FOXP1: variants seen among roughly 807,000 people sequenced by gnomAD.
The protein encoded by FOXP1 is forkhead box protein P1.
FOXP1 carries 15 observed loss-of-function variants against 98.2 expected under a neutral mutation model. That is an observed-to-expected ratio of 0.15 (90% CI 0.10 to 0.24). The LOEUF is 0.24. Among genes scored for constraint, FOXP1 ranks in the 10% least tolerant of loss-of-function variants. The pLI is 1.00. For missense variants in FOXP1, 633 were observed against 848.5 expected, an observed-to-expected ratio of 0.75 and a Z score of 3.15; for synonymous variants, 371 against 314.5, an observed-to-expected ratio of 1.18 and a Z score of -1.90.
At chr3:71,523,619 A>G (rs1317472409) in intron 2 of FOXP1, among the ~76,000 whole-genome samples, 1 of 152,182 alleles carries the variant, frequency 6.6e-6, no homozygotes, top group Non-Finnish European at 1.5e-5. Context: ...GGGGCATTCT[A>G]AATTCACTGT....
chr3:71,176,743 C>CAAAAAAAAAAAAAAA (rs573639526), intron 6 of FOXP1, among the ~76,000 whole-genome samples: 1 of 75,548 alleles, frequency 1.3e-5, no homozygotes, highest in African/African-American at 6.2e-5. Context: ...GAGGCTATCT[C>CAAAAAAAAAAAAAAA]AAAAAAAAAA....
chr3:71,020,683 T>A (rs1016608510), intron 11 of FOXP1, among the ~76,000 whole-genome samples: 2 of 152,224 alleles, frequency 1.3e-5, no homozygotes, highest in Non-Finnish European at 2.9e-5. Context: ...TCCTGCCAAC[T>A]GAAATGCCAG....
intron 6 of FOXP1, among the ~76,000 whole-genome samples, chr3:71,169,307 C>T (rs141305884): frequency 3.4e-4 from 52 of 152,248 alleles, no homozygotes; most frequent in African/African-American, 7.7e-4. Flanking sequence ...CATTTGCCCC[C>T]GAGCGTCTCT....
chr3:71,484,460 C>G (rs1207911368), intron 3 of FOXP1, among the ~76,000 whole-genome samples: 1 of 152,172 alleles, frequency 6.6e-6, no homozygotes, highest in Non-Finnish European at 1.5e-5. Context: ...GCTACATCCT[C>G]AATATTCTTG....
At chr3:71,053,611 C>T (rs1012302237) in intron 8 of FOXP1, 25 bp downstream of exon 8, 5 of 1,613,620 alleles carry the variant, frequency 3.1e-6, no homozygotes, top group Admixed American at 1.7e-5. Context: ...GGGAGACAGG[C>T]TGGAGGTGGA....
intron 2 of FOXP1, among the ~76,000 whole-genome samples, chr3:71,505,140 G>A (rs892088785): frequency 1.3e-5 from 2 of 152,264 alleles, no homozygotes; most frequent in East Asian, 1.9e-4. Context: ...AAGTAGGAAC[G>A]TTTGGAATGG....
chr3:71,050,351 A>G (rs1341895123), intron 9 of FOXP1, among the ~76,000 whole-genome samples: 1 of 152,210 alleles, frequency 6.6e-6, no homozygotes, highest in South Asian at 2.1e-4. Context: ...CACAGACCAA[A>G]TAAGAGGTTA....
chr3:70,961,212 T>C (rs530996413), intron 20 of FOXP1, among the ~76,000 whole-genome samples: 1 of 151,960 alleles, frequency 6.6e-6, no homozygotes, highest in Non-Finnish European at 1.5e-5. Context: ...ATTTTATGTA[T>C]GGCTCTCCAG....
At chr3:70,981,551 C>G (rs1239385642) in intron 14 of FOXP1, among the ~76,000 whole-genome samples, 1 of 152,160 alleles carries the variant, frequency 6.6e-6, no homozygotes, top group African/African-American at 2.4e-5. Flanking sequence ...TGCAGTGGTG[C>G]AAGATGTCAC....
At position 71,313,979 on chromosome 3, in the gene FOXP1, T is replaced by C. The variant is rs567362467; in HGVS notation, c.-72-14099A>G. 2.0e-5 allele frequency among the ~76,000 whole-genome samples: 3 copies of C among 152,340 alleles called. No homozygotes were observed. In the East Asian group the frequency reaches 5.8e-4, roughly 29 times the overall value. The stretch of plus-strand genomic sequence containing the variant: ...AGTTCTTATTAGCTCTGGTGCTGAC[T>C]GACCTTGTGAGCTTAGGCAAATTGC... On this transcript the variant is annotated intron_variant, in intron 4 of 20. Coordinates refer to ENST00000649528, the MANE Select transcript of FOXP1 (RefSeq NM_001349338.3).
intron 5 of FOXP1, among the ~76,000 whole-genome samples, chr3:71,255,508 C>G (rs1272722759): frequency 6.6e-6 from 1 of 152,140 alleles, no homozygotes; most frequent in Non-Finnish European, 1.5e-5. Flanking sequence ...TAACAATCTT[C>G]TTTTAGGCTA....
chr3:71,464,841 A>G (rs1309467777), intron 3 of FOXP1, among the ~76,000 whole-genome samples: 1 of 152,182 alleles, frequency 6.6e-6, no homozygotes, highest in East Asian at 1.9e-4. Flanking sequence ...GGGAAACCAG[A>G]CTGCCCCAAG....
intron 2 of FOXP1, among the ~76,000 whole-genome samples, chr3:71,497,568 T>C (rs2091504720): frequency 6.6e-6 from 1 of 152,152 alleles, no homozygotes; most frequent in African/African-American, 2.4e-5. Flanking sequence ...AGGCACCAGC[T>C]TGAAGCCCAA....
At chr3:71,077,307 A>G (rs1277882844) in intron 7 of FOXP1, among the ~76,000 whole-genome samples, 1 of 151,960 alleles carries the variant, frequency 6.6e-6, no homozygotes. Context: ...TTTTTAGTGC[A>G]CTCTCTCCTA....
intron 18 of FOXP1, 106 bp from the exon 19 acceptor site, chr3:70,970,911 C>T (rs1575742259): frequency 3.6e-6 from 3 of 844,056 alleles, no homozygotes; most frequent in Admixed American, 3.7e-5. Flanking sequence ...TGAGCAATTT[C>T]CCCCACTAGC....
chr3:71,061,692 A>C (rs1370658288), intron 7 of FOXP1, among the ~76,000 whole-genome samples: 1 of 152,210 alleles, frequency 6.6e-6, no homozygotes, highest in Admixed American at 6.5e-5. Context: ...TCAAGGAATG[A>C]TGAACTACCT....
chr3:71,238,335 TGAAAACA>T (rs2066966394), intron 5 of FOXP1, among the ~76,000 whole-genome samples: 1 of 152,270 alleles, frequency 6.6e-6, no homozygotes, highest in Admixed American at 6.5e-5. Flanking sequence ...CAGGCCTCTG[TGAAAACA>T]GAGTATGTAA....
chr3:71,085,735 C>CTTTTTTT lies in FOXP1; in HGVS notation c.282+26794_282+26800dup, dbSNP rs56318177. 3.5e-3 allele frequency among the ~76,000 whole-genome samples: 128 copies of CTTTTTTT among 37,034 alleles called. 39 individuals are homozygous for CTTTTTTT. The highest frequency in any genetic ancestry group is 3.4e-3 in the Non-Finnish European group (71 of 21,080). 24.3% of individuals were successfully genotyped at this position (37,034 alleles called of 152,430 possible). ...TTGTATGGTGGGTATCATTTATGGC[C>CTTTTTTT]TTTTTTTTTTTTTTACATGGAGTCT... On this transcript the variant is annotated intron_variant, in intron 7 of 20. Transcript: ENST00000649528.
At chr3:71,335,935 C>T (rs944680976) in intron 4 of FOXP1, among the ~76,000 whole-genome samples, 5 of 130,092 alleles carry the variant, frequency 3.8e-5, no homozygotes, top group South Asian at 2.7e-4. Flanking sequence ...GGGGTGGAGG[C>T]GGAGGCGGAG....
Sources: allele counts gnomAD v4.1 joint callset (sites outside exome capture counted in the v4.1 genomes callset), GRCh38; gene constraint gnomAD v4.1.1; transcripts MANE v1.5; gene names NCBI Gene and HGNC (gene_info 2026-07-23, HGNC 2026-07-21).